The following PHF20L1 variants were observed in gnomAD, a reference collection of about 807,000 sequenced individuals.
The protein encoded by PHF20L1 is PHD finger protein 20 like 1, also known as PHD finger protein 20-like protein 1.
PHF20L1 carries 44 observed loss-of-function variants against 125.5 expected under a neutral mutation model. The observed-to-expected ratio is 0.35, with a 90% CI of 0.28 to 0.45. The LOEUF is 0.45. Ranked by LOEUF, PHF20L1 falls within the 20% of genes least tolerant of loss-of-function variation. PHF20L1 has a pLI of 1.00. For missense variants in PHF20L1, 1,012 were observed against 1,217.2 expected, an observed-to-expected ratio of 0.83 and a Z score of 2.51; for synonymous variants, 380 against 403.1, an observed-to-expected ratio of 0.94 and a Z score of 0.69.
intron 2 of PHF20L1, 22 bp downstream of exon 2, chr8:132,777,933 C>T: frequency 7.2e-7 from 1 of 1,391,620 alleles, no homozygotes; most frequent in Non-Finnish European, 1.0e-6. Flanking sequence ...ATAGAACTTT[C>T]ACCTAAATAT....
intron 8 of PHF20L1, chr8:132,809,459 G>T (rs1242849876): frequency 6.6e-6 from 1 of 152,130 alleles, no homozygotes; most frequent in Admixed American, 6.6e-5. Context: ...GAGCCACTGT[G>T]CTGGGCCCAA....
At chr8:132,834,589 C>T (rs537104848) in intron 15 of PHF20L1, among the ~76,000 whole-genome samples, 1 of 152,136 alleles carries the variant, frequency 6.6e-6, no homozygotes, top group African/African-American at 2.4e-5. Context: ...TCACCACGGC[C>T]TCCCAAAGTG....
intron 6 of PHF20L1, 121 bp from the exon 7 acceptor site, chr8:132,803,698 A>G (rs1159022711): frequency 4.9e-6 from 3 of 615,382 alleles, no homozygotes; most frequent in Non-Finnish European, 8.7e-6. Flanking sequence ...TTATCTCTAT[A>G]TTTATGTTTA....
At chr8:132,777,723 C>T in intron 1 of PHF20L1, 69 bp from the exon 2 acceptor site, 1 of 695,046 alleles carries the variant, frequency 1.4e-6, no homozygotes, top group Non-Finnish European at 2.6e-6. Flanking sequence ...TTTAATTTGA[C>T]CTGTTCCCTT....
intron 17 of PHF20L1, chr8:132,839,054 C>T (rs979125993): frequency 4.8e-6 from 1 of 208,416 alleles, no homozygotes; most frequent in African/African-American, 2.3e-5. Flanking sequence ...GAAATAACCC[C>T]TGTCTAGTTT....
At chr8:132,783,078 T>TA (rs1830616619) in intron 2 of PHF20L1, among the ~76,000 whole-genome samples, 6 of 152,164 alleles carry the variant, frequency 3.9e-5, no homozygotes, top group Admixed American at 3.9e-4. Flanking sequence ...AAGCGATTGT[T>TA]ACAAAAACAC....
Position 132,842,661 on chromosome 8 carries a change from C to T in PHF20L1, c.2534C>T (p.Pro845Leu), listed in dbSNP as rs1343459755. The T allele has an allele frequency of 1.2e-6, 2 of 1,613,102 alleles. No individual in the cohort carries two copies. Among genetic ancestry groups the T allele is most frequent in the Admixed American group, 1.7e-5 (1 of 59,802 alleles). The change falls in exon 19 of 21, where the codon CCA (proline) becomes CTA (leucine). Residue 845 changes from proline (P) to leucine (L), a missense_variant. Physicochemically the swap from Pro to Leu is moderately conservative, Grantham distance 98. Around this residue, in one of 7 missense-constraint regions of PHF20L1, gnomAD observed 277 missense variants for 283.6 expected, o/e 0.98. Coordinates refer to ENST00000395386, the MANE Select transcript of PHF20L1 (RefSeq NM_016018.5). ...EKKYVQNHKE[P>L]PRLPLKMEGT... ...AAATATGTACAGAACCATAAAGAAC[C>T]ACCTCGTTTGCCCCTAAAAATGGAA...
At chr8:132,816,634 C>T in intron 10 of PHF20L1, 1 of 344,970 alleles carries the variant, frequency 2.9e-6, no homozygotes, top group South Asian at 6.1e-5. Flanking sequence ...GGGGGAGCTA[C>T]TTGAAATTAA....
chr8:132,827,853 T>G (rs1288175176), intron 14 of PHF20L1, among the ~76,000 whole-genome samples: 3 of 152,092 alleles, frequency 2.0e-5, no homozygotes, highest in Non-Finnish European at 4.4e-5. Context: ...AATCTTAACT[T>G]TGTAAATAGA....
chr8:132,844,167 A>C lies in PHF20L1; in HGVS notation c.2760A>C (p.Glu920Asp). 1 of 1,612,116 alleles carries C rather than the reference A, an allele frequency of 6.2e-7. No homozygotes were observed. The highest frequency in any genetic ancestry group is 8.5e-7 in the Non-Finnish European group (1 of 1,178,824). Residue 920 changes from glutamate to aspartate, a missense_variant, in exon 20 of 21, where the codon GAA becomes GAC. By Grantham distance (45) the Glu-to-Asp change is conservative (BLOSUM62 2). Coordinates refer to ENST00000395386, the MANE Select transcript of PHF20L1 (RefSeq NM_016018.5). ...EHGMPEKNPAEGNTVFVYNDK... is the reference protein window; with the variant it reads ...EHGMPEKNPADGNTVFVYNDK... ...GTCCTTTGGAGAAGAATCCAGCTGA[A>C]GGGAATACAGTATTTGTTTATAATG...
At chr8:132,789,690 A>G (rs895196023) in intron 2 of PHF20L1, among the ~76,000 whole-genome samples, 31 of 152,190 alleles carry the variant, frequency 2.0e-4, no homozygotes, top group African/African-American at 7.2e-4. Flanking sequence ...AGAGCAAGAT[A>G]GGCTCAGCGG....
In PHF20L1 at chr8:132,844,269, G is replaced by A. The variant is rs1345165720; in HGVS notation, c.2862G>A (p.Val954=). Residue 954 remains valine (V), a synonymous_variant, in exon 20 of 21, where the codon GTG becomes GTA. Coordinates refer to ENST00000395386, the MANE Select transcript of PHF20L1 (RefSeq NM_016018.5). ...QLNLLTHIEN[V]QNEVTSRMDL... ...ATCTCCTTACACACATAGAAAATGT[G>A]CAGAACGAAGTTACCAGCAGGATGG... The A allele has an allele frequency of 6.2e-7, 1 of 1,612,668 alleles. No individual in the cohort carries two copies. Among genetic ancestry groups the A allele is most frequent in the Non-Finnish European group, 8.5e-7 (1 of 1,179,046 alleles).
intron 18 of PHF20L1, among the ~76,000 whole-genome samples, chr8:132,841,218 G>A (rs1234168325): frequency 6.6e-6 from 1 of 151,912 alleles, no homozygotes; most frequent in Non-Finnish European, 1.5e-5. Flanking sequence ...AGTCCTACAC[G>A]TCATGTGCTT....
intron 4 of PHF20L1, among the ~76,000 whole-genome samples, 191 bp from the exon 5 acceptor site, chr8:132,798,581 G>A (rs1832685443): frequency 6.6e-6 from 1 of 151,916 alleles, no homozygotes; most frequent in Non-Finnish European, 1.5e-5. Flanking sequence ...GTACTTGTTA[G>A]GGGAAACAGG....
chr8:132,837,875 T>C (rs1317633719), intron 17 of PHF20L1, 64 bp downstream of exon 17: 6 of 1,121,138 alleles, frequency 5.4e-6, no homozygotes, highest in Non-Finnish European at 8.1e-6. Flanking sequence ...GATTCCAGAG[T>C]GTATCAGCTG....
chr8:132,792,402 G>A (rs1831833509), intron 2 of PHF20L1, among the ~76,000 whole-genome samples: 1 of 152,110 alleles, frequency 6.6e-6, no homozygotes, highest in South Asian at 2.1e-4. Context: ...TAAGTGGGTA[G>A]GGCAGGCATG....
At chr8:132,837,438 CAGTG>C (rs1837487039) in intron 16 of PHF20L1, among the ~76,000 whole-genome samples, 1 of 152,000 alleles carries the variant, frequency 6.6e-6, no homozygotes. Flanking sequence ...GCCTAAATAT[CAGTG>C]AGAATTAAAT....
intron 15 of PHF20L1, among the ~76,000 whole-genome samples, chr8:132,832,980 A>G (rs990732104): frequency 6.6e-6 from 1 of 152,118 alleles, no homozygotes; most frequent in Non-Finnish European, 1.5e-5. Context: ...ACTGGAGTTC[A>G]AATCTGTTAG....
At chr8:132,804,471 A>T (rs944704780) in intron 7 of PHF20L1, 144 bp from the exon 8 acceptor site, 1 of 542,274 alleles carries the variant, frequency 1.8e-6, no homozygotes. Context: ...GTCTGGAGGG[A>T]TTTGTGTTTT....
Sources: gnomAD v4.1 joint callset for allele counts (sites outside exome capture counted in the v4.1 genomes callset) on GRCh38, gnomAD v4.1.1 for gene constraint, gnomAD v4.1.1 regional missense constraint, MANE v1.5 for transcripts, NCBI Gene and HGNC (gene_info 2026-07-23, HGNC 2026-07-21) for gene names.